The following ITFG1 variants were observed in gnomAD, a reference collection of about 807,000 sequenced individuals.
ITFG1 encodes the protein T-cell immunomodulatory protein.
In ITFG1, 34 loss-of-function variants were observed where a neutral mutation model predicts 81.8. That is an observed-to-expected ratio of 0.42 (90% CI 0.32 to 0.55). ITFG1 has a LOEUF of 0.55. ITFG1 is among the 20% of genes least tolerant of loss of function. ITFG1 has a pLI of 0.17. For synonymous variants in ITFG1, 285 were observed against 270.6 expected (o/e 1.05, Z -0.52); for missense variants, 672 against 755.4 (o/e 0.89, Z 1.29).
chr16:47,345,758 T>C (rs1273015707), intron 8 of ITFG1, among the ~76,000 whole-genome samples: 3 of 152,102 alleles, frequency 2.0e-5, no homozygotes, highest in African/African-American at 4.8e-5. Context: ...TATGTAAACA[T>C]AGAAAAGGTA....
chr16:47,371,169 G>A (rs898414986), intron 7 of ITFG1, among the ~76,000 whole-genome samples: 1 of 152,218 alleles, frequency 6.6e-6, no homozygotes, highest in African/African-American at 2.4e-5. Context: ...CTTAAGGGTA[G>A]AAAGTTTAGA....
chr16:47,322,870 A>G (rs1188768739), intron 8 of ITFG1, among the ~76,000 whole-genome samples: 1 of 152,222 alleles, frequency 6.6e-6, no homozygotes. Flanking sequence ...TATTTAATAT[A>G]AACTTAAGCT....
chr16:47,430,707 A>C (rs1010570697), intron 5 of ITFG1, among the ~76,000 whole-genome samples: 1 of 152,232 alleles, frequency 6.6e-6, no homozygotes, highest in African/African-American at 2.4e-5. Context: ...ACTACATACA[A>C]AATTTAACTC....
At chr16:47,203,564 A>G (rs1448120489) in intron 14 of ITFG1, among the ~76,000 whole-genome samples, 1 of 152,200 alleles carries the variant, frequency 6.6e-6, no homozygotes, top group Admixed American at 6.5e-5. Flanking sequence ...ATAGATTCTC[A>G]TAAGGAGCGT....
chr16:47,396,434 G>C (rs1968594059), intron 6 of ITFG1, among the ~76,000 whole-genome samples: 1 of 151,986 alleles, frequency 6.6e-6, no homozygotes, highest in African/African-American at 2.4e-5. Flanking sequence ...TGAAGAAAAA[G>C]TTCAGGAACT....
At chr16:47,395,443 G>A (rs369659468) in intron 6 of ITFG1, among the ~76,000 whole-genome samples, 3 of 152,262 alleles carry the variant, frequency 2.0e-5, no homozygotes, top group African/African-American at 7.2e-5. Context: ...TAAAACATCT[G>A]GCAGGTCACA....
chr16:47,343,990 C>T (rs1967818038), intron 8 of ITFG1, among the ~76,000 whole-genome samples: 1 of 152,026 alleles, frequency 6.6e-6, no homozygotes. Context: ...CACGGATGAA[C>T]CGCAAAAACA....
intron 8 of ITFG1, 113 bp downstream of exon 8, chr16:47,365,664 GCTATAATAGCT>G: frequency 5.0e-6 from 3 of 594,644 alleles, no homozygotes; most frequent in Non-Finnish European, 9.0e-6. Flanking sequence ...ATCTTTTGAA[GCTATAATAGCT>G]CTGAAGACCC....
chr16:47,250,154 T>A (rs1966052990), intron 12 of ITFG1, among the ~76,000 whole-genome samples: 1 of 152,178 alleles, frequency 6.6e-6, no homozygotes, highest in Admixed American at 6.5e-5. Flanking sequence ...GACATTCTTG[T>A]CATTTAGACG....
At chr16:47,292,054 T>C (rs950355385) in intron 10 of ITFG1, among the ~76,000 whole-genome samples, 6 of 151,958 alleles carry the variant, frequency 3.9e-5, no homozygotes, top group Middle Eastern at 3.4e-3. Flanking sequence ...CGCTCTTTCG[T>C]CTAGGCTGGA....
At chr16:47,442,959 C>T (rs1039522895) in intron 5 of ITFG1, among the ~76,000 whole-genome samples, 2 of 152,184 alleles carry the variant, frequency 1.3e-5, no homozygotes, top group East Asian at 1.9e-4. Context: ...TCAGAGTGAA[C>T]AGGCAACCTA....
intron 8 of ITFG1, among the ~76,000 whole-genome samples, chr16:47,321,295 C>T (rs1050585144): frequency 6.6e-6 from 1 of 152,082 alleles, no homozygotes; most frequent in African/African-American, 2.4e-5. Flanking sequence ...AAAATGGACT[C>T]TGAATATAGA....
intron 8 of ITFG1, among the ~76,000 whole-genome samples, chr16:47,348,582 G>A (rs950601329): frequency 3.3e-5 from 5 of 152,204 alleles, no homozygotes; most frequent in African/African-American, 1.2e-4. Context: ...ATCTACGTCT[G>A]AATGGTGTAC....
At chr16:47,295,640 C>T in intron 10 of ITFG1, among the ~76,000 whole-genome samples, 1 of 152,096 alleles carries the variant, frequency 6.6e-6, no homozygotes, top group Non-Finnish European at 1.5e-5. Context: ...TATTTATGTT[C>T]TATCAGTTGT....
intron 10 of ITFG1, among the ~76,000 whole-genome samples, chr16:47,307,810 T>C (rs1967194065): frequency 6.6e-6 from 1 of 152,160 alleles, no homozygotes; most frequent in Non-Finnish European, 1.5e-5. Context: ...CTTCCCTCTC[T>C]AGTAGTTCCC....
intron 10 of ITFG1, among the ~76,000 whole-genome samples, chr16:47,266,751 A>C (rs915521670): frequency 6.6e-6 from 1 of 152,238 alleles, no homozygotes; most frequent in Non-Finnish European, 1.5e-5. Flanking sequence ...TTATATGGAA[A>C]AATGTTCATA....
chr16:47,211,788 C>T (rs1240790494), intron 14 of ITFG1, among the ~76,000 whole-genome samples: 1 of 152,148 alleles, frequency 6.6e-6, no homozygotes, highest in Non-Finnish European at 1.5e-5. Context: ...CTTCTTTACT[C>T]TGTCAATGTG....
chr16:47,218,257 G>A (rs2151526840), intron 14 of ITFG1: 1 of 152,182 alleles, frequency 6.6e-6, no homozygotes, highest in Middle Eastern at 3.4e-3. Context: ...TTCTTCTTTA[G>A]ATAACTGGAA....
intron 14 of ITFG1, among the ~76,000 whole-genome samples, chr16:47,167,015 C>T (rs1477409444): frequency 1.3e-5 from 2 of 152,126 alleles, no homozygotes; most frequent in African/African-American, 4.8e-5. Flanking sequence ...AATCAAATGG[C>T]CTTTAGTGTA....
Sources: gnomAD v4.1 joint callset for allele counts (sites outside exome capture counted in the v4.1 genomes callset) on GRCh38, gnomAD v4.1.1 for gene constraint, MANE v1.5 for transcripts, NCBI Gene and HGNC (gene_info 2026-07-23, HGNC 2026-07-21) for gene names.